ASPRV1: variants seen among roughly 807,000 people sequenced by gnomAD.
ASPRV1 encodes retroviral-like aspartic protease 1.
In ASPRV1, 7 loss-of-function variants were observed where a neutral mutation model predicts 11.0. The ratio of observed to expected loss-of-function variants is 0.64; its 90% CI spans 0.36 to 1.20. The LOEUF is 1.20. Among genes scored for constraint, ASPRV1 ranks in the 50% most tolerant of loss-of-function variants. ASPRV1 has a pLI of 0.02. For synonymous variants in ASPRV1, 136 were observed against 138.4 expected (o/e 0.98, Z 0.12); for missense variants, 299 against 320.0 (o/e 0.93, Z 0.50).
chr2:69,980,326 T>C, the ASPRV1 span, among the ~76,000 whole-genome samples: 92 of 152,242 alleles, frequency 6.0e-4, no homozygotes, highest in Non-Finnish European at 1.0e-3. Context: ...GTAAACTCAT[T>C]AGCAATGAAT....
At chr2:69,969,327 G>A in the ASPRV1 span, among the ~76,000 whole-genome samples, 21 of 152,154 alleles carry the variant, frequency 1.4e-4, no homozygotes, top group South Asian at 4.1e-4. Flanking sequence ...AAGCCTCACC[G>A]CCCTCTGCCG....
the ASPRV1 span, among the ~76,000 whole-genome samples, chr2:70,061,290 G>C: frequency 6.6e-6 from 1 of 151,670 alleles, no homozygotes; most frequent in African/African-American, 2.4e-5. Flanking sequence ...AGCTACTTGA[G>C]AAGCTGAGAC....
At chr2:70,077,246 G>A in the ASPRV1 span, 1 of 152,188 alleles carries the variant, frequency 6.6e-6, no homozygotes, top group East Asian at 1.9e-4. Context: ...CTCTCCCAAA[G>A]ATTACTACCT....
chr2:70,048,072 G>A, the ASPRV1 span, among the ~76,000 whole-genome samples: 2 of 130,814 alleles, frequency 1.5e-5, no homozygotes, highest in Non-Finnish European at 3.1e-5. Context: ...TCGCGCCACT[G>A]CACTCCAGCC....
chr2:69,938,349 T>C, the ASPRV1 span: 2 of 1,529,654 alleles, frequency 1.3e-6, no homozygotes, highest in East Asian at 2.3e-5. Context: ...GGTAACGTAT[T>C]GGACCTGCCC....
the ASPRV1 span, chr2:70,031,069 G>A: frequency 1.3e-5 from 2 of 152,112 alleles, no homozygotes; most frequent in African/African-American, 2.4e-5. Flanking sequence ...TTGGGTCTGA[G>A]GGTTCCTAGA....
At chr2:70,085,251 A>C in the ASPRV1 span, among the ~76,000 whole-genome samples, 1 of 152,174 alleles carries the variant, frequency 6.6e-6, no homozygotes, top group African/African-American at 2.4e-5. Flanking sequence ...GGTAGGCTCA[A>C]ATGTGCCACA....
the ASPRV1 span, among the ~76,000 whole-genome samples, chr2:70,003,665 G>C: frequency 6.6e-6 from 1 of 152,226 alleles, no homozygotes; most frequent in East Asian, 1.9e-4. Context: ...TGGGTGTTGA[G>C]AGAGCCCAGC....
chr2:70,033,892 C>T, the ASPRV1 span, among the ~76,000 whole-genome samples: 2 of 152,144 alleles, frequency 1.3e-5, no homozygotes, highest in Non-Finnish European at 2.9e-5. Context: ...CGGTGGCTCA[C>T]GCCTGTAATC....
At chr2:69,992,694 A>C in the ASPRV1 span, among the ~76,000 whole-genome samples, 1 of 152,184 alleles carries the variant, frequency 6.6e-6, no homozygotes, top group Non-Finnish European at 1.5e-5. Context: ...GACATGTCAC[A>C]GAGTGGTTTG....
chr2:69,995,460 G>C, the ASPRV1 span: 6 of 152,154 alleles, frequency 3.9e-5, no homozygotes, highest in Non-Finnish European at 7.3e-5. Context: ...GCTTGGGACA[G>C]GAGATATCTT....
the ASPRV1 span, chr2:70,071,797 C>A: frequency 1.3e-5 from 2 of 151,074 alleles, no homozygotes; most frequent in African/African-American, 4.9e-5. Flanking sequence ...AATTAGATTT[C>A]AATTCAAAAC....
the ASPRV1 span, among the ~76,000 whole-genome samples, chr2:69,993,085 A>G: frequency 6.6e-6 from 1 of 152,206 alleles, no homozygotes; most frequent in Admixed American, 6.5e-5. Context: ...AGATCTGGGG[A>G]CCACGTGGCC....
downstream of ASPRV1, among the ~76,000 whole-genome samples, chr2:69,959,866 T>C (rs898786430): frequency 1.3e-5 from 2 of 152,140 alleles, no homozygotes; most frequent in Non-Finnish European, 2.9e-5. Context: ...CAGATTGAAA[T>C]AAGTAGAGGA....
chr2:69,958,812 T>A (rs1448413029), downstream of ASPRV1, among the ~76,000 whole-genome samples: 1 of 152,052 alleles, frequency 6.6e-6, no homozygotes, highest in East Asian at 1.9e-4. Flanking sequence ...AGTTCCCCCA[T>A]CGCCTTCTCC....
chr2:70,061,015 T>C, the ASPRV1 span, among the ~76,000 whole-genome samples: 3 of 152,180 alleles, frequency 2.0e-5, no homozygotes, highest in Non-Finnish European at 2.9e-5. Flanking sequence ...AGTGGTCTTA[T>C]GTAAACAAAT....
chr2:70,077,604 A>G, the ASPRV1 span, among the ~76,000 whole-genome samples: 1 of 152,234 alleles, frequency 6.6e-6, no homozygotes, highest in Admixed American at 6.5e-5. Context: ...CTGTAATCCC[A>G]GCACTTTGGG....
At chr2:70,031,649 A>C in the ASPRV1 span, 5 of 152,224 alleles carry the variant, frequency 3.3e-5, no homozygotes, top group African/African-American at 9.7e-5. Flanking sequence ...GTGAGCCGAG[A>C]TTGAGCTACT....
chr2:70,062,000 A>G, the ASPRV1 span, among the ~76,000 whole-genome samples: 1 of 149,440 alleles, frequency 6.7e-6, no homozygotes, highest in African/African-American at 2.5e-5. Context: ...TATCATAGAT[A>G]TCTTTGGCTG....
Sources: gnomAD v4.1 joint callset for allele counts (sites outside exome capture counted in the v4.1 genomes callset) on GRCh38, gnomAD v4.1.1 for gene constraint, MANE v1.5 for transcripts, NCBI Gene and HGNC (gene_info 2026-07-23, HGNC 2026-07-21) for gene names.